Variants in PREX1 observed in about 807,000 individuals in gnomAD.
The protein encoded by PREX1 is phosphatidylinositol 3,4,5-trisphosphate-dependent Rac exchanger 1 protein.
A neutral mutation model predicts 198.3 loss-of-function variants in PREX1; 41 were observed. The observed-to-expected ratio is 0.21, with a 90% CI of 0.16 to 0.27. The LOEUF is 0.27. Ranked by LOEUF, PREX1 falls within the 10% of genes least tolerant of loss-of-function variation. The pLI, the probability that PREX1 is intolerant of heterozygous loss-of-function variation, is 1.00. For missense variants in PREX1, 1,620 were observed against 2,200.7 expected (o/e 0.74, Z 5.28); for synonymous variants, 843 against 887.2 (o/e 0.95, Z 0.89).
At position 48,753,727 on chromosome 20, in the gene PREX1, C is replaced by A. The variant is rs2090144279; in HGVS notation, c.220-5847G>T. On this transcript the variant is annotated intron_variant, in intron 1 of 39. Transcript: ENST00000371941. ...TTTTGTTTCTTGAACACACCAGGCC[C>A]CCAGCATCCAGGCCTTCGCACGTGC... is the stretch of plus-strand genomic sequence containing the variant. Among the ~76,000 whole-genome samples the A allele has an allele frequency of 3.3e-5, 5 of 152,300 alleles. No individual in the cohort carries two copies. The South Asian group carries it at 1.0e-3, about 32-fold the overall frequency.
chr20:48,757,843 A>G (rs1340452138), intron 1 of PREX1, among the ~76,000 whole-genome samples: 3 of 152,246 alleles, frequency 2.0e-5, no homozygotes, highest in Non-Finnish European at 4.4e-5. Context: ...CTTTAAAAAT[A>G]CGTGCATTGG....
chr20:48,825,158 T>C (rs1267621859), intron 1 of PREX1, among the ~76,000 whole-genome samples: 1 of 152,178 alleles, frequency 6.6e-6, no homozygotes, highest in Non-Finnish European at 1.5e-5. Flanking sequence ...CGAAAATGCC[T>C]TGGGATGTTT....
chr20:48,794,725 A>G (rs939176479), intron 1 of PREX1, among the ~76,000 whole-genome samples: 1 of 152,182 alleles, frequency 6.6e-6, no homozygotes, highest in African/African-American at 2.4e-5. Flanking sequence ...CAGGGTCCCT[A>G]AGAGGGGCCC....
At chr20:48,820,222 C>G (rs1023185306) in intron 1 of PREX1, among the ~76,000 whole-genome samples, 4 of 152,338 alleles carry the variant, frequency 2.6e-5, no homozygotes, top group Admixed American at 2.6e-4. Context: ...CTACACAGGG[C>G]TGGAAGGCTG....
chr20:48,769,276 C>A (rs959204010), intron 1 of PREX1, among the ~76,000 whole-genome samples: 21 of 151,976 alleles, frequency 1.4e-4, no homozygotes, highest in Non-Finnish European at 2.5e-4. Flanking sequence ...GGTGGTGGTG[C>A]GGGGGAGGGG....
In PREX1 at chr20:48,734,724, T is replaced by G. The variant is rs2090049495; in HGVS notation, c.415-74A>C. 5 of 1,340,432 alleles carry G rather than the reference T, an allele frequency of 3.7e-6. No homozygotes were observed. The South Asian group carries it at 5.9e-5, about 16-fold the overall frequency. 83.0% of individuals were successfully genotyped at this position (1,340,432 alleles called of 1,614,324 possible). On this transcript the variant is annotated intron_variant, in intron 3 of 39. Transcript: ENST00000371941. Reference sequence around the variant, plus strand: ...AGGTGCCCTGACACATGCTGACCACTGGGCTGGTAGGGTAGGGGTAAGGAC... The same window carrying G: ...AGGTGCCCTGACACATGCTGACCACGGGGCTGGTAGGGTAGGGGTAAGGAC...
At chr20:48,864,788 T>C in the PREX1 span, among the ~76,000 whole-genome samples, 3 of 152,252 alleles carry the variant, frequency 2.0e-5, no homozygotes, top group Non-Finnish European at 4.4e-5. Context: ...AACTTCATTG[T>C]TCTTCGTGGG....
At chr20:48,712,628 G>A (rs1017806685) in intron 5 of PREX1, among the ~76,000 whole-genome samples, 1 of 152,184 alleles carries the variant, frequency 6.6e-6, no homozygotes, top group Non-Finnish European at 1.5e-5. Context: ...TCTTGCTCTA[G>A]GTCAGTGGTA....
rs567651619 is a variant in PREX1, at chr20:48,666,564, C to T, written c.1666-209G>A. On this transcript the variant is annotated intron_variant, in intron 14 of 39. Transcript: ENST00000371941. The surrounding 1 kb of genome is among the most constrained non-coding windows in gnomAD (Gnocchi z 4.3). ...TTTTTGAGACAGAGTCTCACTCTAT[C>T]GCCCAGGCTGGAGTGCAGTGGCACG... Among the ~76,000 whole-genome samples, 5 of 152,304 alleles carry T rather than the reference C, an allele frequency of 3.3e-5. No individual in the cohort carries two copies. The highest frequency in any genetic ancestry group is 6.5e-5 in the Admixed American group (1 of 15,298).
Position 48,692,789 on chromosome 20 carries a change from C to A in PREX1, c.919G>T (p.Val307Phe), listed in dbSNP as rs1375905342. 1 of 1,613,100 alleles carries A rather than the reference C, an allele frequency of 6.2e-7. No homozygotes were observed. The highest frequency in any genetic ancestry group is 1.1e-5 in the South Asian group (1 of 91,042). ...TTGGTGGACTTCTTGCTCCCGGTGA[C>A]CCTGATAGACAGTGAGAAGTCAGTG... is the stretch of plus-strand genomic sequence containing the variant. ...LLVYCKRKSRVTGSKKSTKRT... is the reference protein window; with the variant it reads ...LLVYCKRKSRFTGSKKSTKRT... The change falls in exon 8 of 40, where the codon GTC becomes TTC. Residue 307 changes from valine to phenylalanine, a missense_variant and splice_region_variant. Val to Phe is a conservative substitution (Grantham distance 50). Around this residue, in one of 7 missense-constraint regions of PREX1, gnomAD observed 488 missense variants for 802.5 expected, o/e 0.61. Transcript: ENST00000371941.
At chr20:48,860,641 C>T in the PREX1 span, among the ~76,000 whole-genome samples, 1 of 152,166 alleles carries the variant, frequency 6.6e-6, no homozygotes, top group East Asian at 1.9e-4. Flanking sequence ...GAGATCGAGA[C>T]CATCCTGGCT....
At chr20:48,745,814 C>G (rs1218521915) in intron 2 of PREX1, among the ~76,000 whole-genome samples, 1 of 152,158 alleles carries the variant, frequency 6.6e-6, no homozygotes, top group Non-Finnish European at 1.5e-5. Context: ...CACCACCCCG[C>G]CACACACACA....
rs572254449 is a variant in PREX1 at position 48,811,547 on chromosome 20, C to T, written c.219+16095G>A. On this transcript the variant is annotated intron_variant, in intron 1 of 39. Transcript: ENST00000371941. ...GGATACACACACACACACACGTGTG[C>T]ATGCAAACTACTGACCAGACCTGGA... Among the ~76,000 whole-genome samples the T allele has an allele frequency of 6.6e-5, 10 of 152,122 alleles. No homozygotes were observed. The East Asian group carries it at 7.7e-4, about 12-fold the overall frequency.
chr20:48,732,309 AAC>A (rs1332889593), intron 4 of PREX1, among the ~76,000 whole-genome samples: 2 of 151,918 alleles, frequency 1.3e-5, no homozygotes, highest in African/African-American at 4.9e-5. Flanking sequence ...TTGTGAAGGA[AAC>A]ACACATTTGG....
At chr20:48,788,346 G>A (rs2090322529) in intron 1 of PREX1, among the ~76,000 whole-genome samples, 1 of 152,102 alleles carries the variant, frequency 6.6e-6, no homozygotes, top group African/African-American at 2.4e-5. Context: ...ACAGAGCTTG[G>A]ACCCAAATGC....
intron 15 of PREX1, among the ~76,000 whole-genome samples, chr20:48,663,044 G>A (rs892333299): frequency 6.6e-6 from 1 of 152,200 alleles, no homozygotes; most frequent in Admixed American, 6.5e-5. Flanking sequence ...TTGGTGAGAT[G>A]AGGTAGACAC....
chr20:48,883,883 G>A, the PREX1 span, among the ~76,000 whole-genome samples: 1 of 152,114 alleles, frequency 6.6e-6, no homozygotes, highest in Admixed American at 6.5e-5. Context: ...GCTCAGGCCT[G>A]TAATCCCAGC....
chr20:48,717,911 G>A (rs1406450960), intron 5 of PREX1, among the ~76,000 whole-genome samples: 1 of 152,208 alleles, frequency 6.6e-6, no homozygotes, highest in Non-Finnish European at 1.5e-5. Context: ...GCAAGGTAGT[G>A]ATGAGACCAA....
chr20:48,693,337 A>C (rs184814132), intron 7 of PREX1, among the ~76,000 whole-genome samples: 4 of 152,284 alleles, frequency 2.6e-5, no homozygotes, highest in South Asian at 2.1e-4. Context: ...CCTAACCCCC[A>C]AGGTAATGGT....
Sources: allele counts gnomAD v4.1 joint callset (sites outside exome capture counted in the v4.1 genomes callset), GRCh38; gene constraint gnomAD v4.1.1; regional missense constraint gnomAD v4.1.1; non-coding constraint Gnocchi (gnomAD v3.1); transcripts MANE v1.5; gene names NCBI Gene and HGNC (gene_info 2026-07-23, HGNC 2026-07-21).